SEMA6D: variants seen among roughly 807,000 people sequenced by gnomAD.
SEMA6D encodes the protein semaphorin-6D.
SEMA6D carries 35 observed loss-of-function variants against 106.6 expected under a neutral mutation model. That is an observed-to-expected ratio of 0.33 (90% CI 0.25 to 0.44). SEMA6D has a LOEUF of 0.44. SEMA6D is among the 20% of genes least tolerant of loss of function. The pLI is 1.00. For synonymous variants in SEMA6D, 499 were observed against 487.7 expected (o/e 1.02, Z -0.31); for missense variants, 1,185 against 1,345.9 (o/e 0.88, Z 1.87).
intron 4 of SEMA6D, among the ~76,000 whole-genome samples, chr15:47,659,480 T>A (rs542870366): frequency 3.9e-5 from 6 of 151,950 alleles, no homozygotes; most frequent in East Asian, 1.9e-4. Context: ...TTAAAAAAAA[T>A]TAAAGTATTA....
At chr15:47,690,048 G>T (rs1291130158) in intron 4 of SEMA6D, among the ~76,000 whole-genome samples, 1 of 152,214 alleles carries the variant, frequency 6.6e-6, no homozygotes, top group Non-Finnish European at 1.5e-5. Context: ...CTTTCTCTAT[G>T]CAGGGGAGTG....
chr15:47,226,637 C>G (rs1178705623), intron 1 of SEMA6D, among the ~76,000 whole-genome samples: 1 of 152,128 alleles, frequency 6.6e-6, no homozygotes. Flanking sequence ...TGTATAGACA[C>G]TGATTGGAAG....
At chr15:47,592,520 G>A (rs1407180297) in intron 3 of SEMA6D, among the ~76,000 whole-genome samples, 3 of 152,306 alleles carry the variant, frequency 2.0e-5, no homozygotes, top group Admixed American at 6.5e-5. Flanking sequence ...GTTGTGTTGA[G>A]TGTGGCCATT....
chr15:47,764,614 A>T, intron 11 of SEMA6D, 24 bp from the exon 12 acceptor site: 1 of 1,612,978 alleles, frequency 6.2e-7, no homozygotes, highest in South Asian at 1.1e-5. Flanking sequence ...CCGAGAGCAT[A>T]AAATAACGCT....
At chr15:47,233,532 TTAA>T (rs1270223351) in intron 1 of SEMA6D, among the ~76,000 whole-genome samples, 1 of 152,080 alleles carries the variant, frequency 6.6e-6, no homozygotes, top group Non-Finnish European at 1.5e-5. Context: ...TGAGGCCATC[TTAA>T]TGATATTGAG....
At chr15:47,495,159 A>T (rs2043611072) in intron 3 of SEMA6D, among the ~76,000 whole-genome samples, 1 of 151,918 alleles carries the variant, frequency 6.6e-6, no homozygotes, top group South Asian at 2.1e-4. Context: ...AAAAAACTGG[A>T]AGTCGTTCTT....
At chr15:47,728,613 C>T (rs963261941) in intron 1 of SEMA6D, among the ~76,000 whole-genome samples, 3 of 152,206 alleles carry the variant, frequency 2.0e-5, no homozygotes, top group South Asian at 4.1e-4. Flanking sequence ...TTTCCACAAA[C>T]GCATTGGCCT....
intron 1 of SEMA6D, among the ~76,000 whole-genome samples, chr15:47,355,291 T>C: frequency 6.6e-6 from 1 of 152,270 alleles, no homozygotes; most frequent in Non-Finnish European, 1.5e-5. Context: ...AATTAAATTA[T>C]AAAGAAAATA....
intron 1 of SEMA6D, among the ~76,000 whole-genome samples, chr15:47,384,588 C>CTG (rs1454546673): frequency 2.6e-5 from 4 of 152,232 alleles, no homozygotes; most frequent in Admixed American, 6.5e-5. Context: ...CAGCTACCAA[C>CTG]TGTGGCATAT....
intron 4 of SEMA6D, among the ~76,000 whole-genome samples, chr15:47,642,999 G>A (rs968634980): frequency 1.8e-4 from 28 of 151,458 alleles, no homozygotes; most frequent in African/African-American, 2.4e-5. Flanking sequence ...ATGGAAATAG[G>A]GAGAGAGAGA....
intron 1 of SEMA6D, among the ~76,000 whole-genome samples, chr15:47,294,585 C>G (rs906638882): frequency 2.0e-5 from 3 of 152,146 alleles, no homozygotes; most frequent in African/African-American, 4.8e-5. Context: ...TTTCCGTGTT[C>G]TCATTTTCTG....
chr15:47,236,463 T>TA (rs2032547708), intron 1 of SEMA6D, among the ~76,000 whole-genome samples: 1 of 152,132 alleles, frequency 6.6e-6, no homozygotes, highest in South Asian at 2.1e-4. Context: ...ATAATGCAAT[T>TA]AAAAAACAAA....
chr15:47,349,355 TTTTG>T (rs2038217020), intron 1 of SEMA6D, among the ~76,000 whole-genome samples: 2 of 152,198 alleles, frequency 1.3e-5, no homozygotes, highest in Non-Finnish European at 2.9e-5. Context: ...GCAGAGGCAC[TTTTG>T]TTTATTTGTT....
chr15:47,496,250 A>G (rs886902877), intron 3 of SEMA6D, among the ~76,000 whole-genome samples: 9 of 152,182 alleles, frequency 5.9e-5, no homozygotes, highest in African/African-American at 2.2e-4. Context: ...CCTGAACCAT[A>G]TTTTGTTGTC....
At chr15:47,456,250 A>G (rs574449252) in intron 2 of SEMA6D, among the ~76,000 whole-genome samples, 4 of 152,114 alleles carry the variant, frequency 2.6e-5, no homozygotes, top group Admixed American at 1.3e-4. Context: ...CATGGAGTCC[A>G]TACACCTCCA....
At chr15:47,416,321 G>A (rs2040968040) in intron 2 of SEMA6D, among the ~76,000 whole-genome samples, 1 of 152,058 alleles carries the variant, frequency 6.6e-6, no homozygotes, top group African/African-American at 2.4e-5. Flanking sequence ...TCAAGCCTGG[G>A]TATGGTCTGT....
intron 2 of SEMA6D, among the ~76,000 whole-genome samples, chr15:47,420,121 C>T (rs1433034535): frequency 6.6e-6 from 1 of 152,094 alleles, no homozygotes; most frequent in Non-Finnish European, 1.5e-5. Flanking sequence ...CACAGATACC[C>T]TCTTAAGTTG....
At chr15:47,660,841 G>A (rs2077903153) in intron 4 of SEMA6D, among the ~76,000 whole-genome samples, 1 of 152,098 alleles carries the variant, frequency 6.6e-6, no homozygotes, top group Non-Finnish European at 1.5e-5. Context: ...GTTTTCAAAT[G>A]AAAATTTGAA....
At chr15:47,692,405 C>T (rs1474332520) in intron 4 of SEMA6D, among the ~76,000 whole-genome samples, 3 of 152,114 alleles carry the variant, frequency 2.0e-5, no homozygotes, top group Non-Finnish European at 4.4e-5. Context: ...ATCTCCCATA[C>T]CAGCTCTGTT....
Sources: gnomAD v4.1 joint callset for allele counts (sites outside exome capture counted in the v4.1 genomes callset) on GRCh38, gnomAD v4.1.1 for gene constraint, MANE v1.5 for transcripts, NCBI Gene and HGNC (gene_info 2026-07-23, HGNC 2026-07-21) for gene names.